PRDM16: variants seen among roughly 807,000 people sequenced by gnomAD.
PRDM16 encodes the protein PR/SET domain 16.
Under a neutral mutation model 110.6 loss-of-function variants are expected in PRDM16, and 23 were observed. That is an observed-to-expected ratio of 0.21 (90% confidence interval 0.15 to 0.29). The LOEUF (loss-of-function observed/expected upper bound fraction) is 0.29. Among genes scored for constraint, PRDM16 ranks in the 10% least tolerant of loss-of-function variants. The probability of loss-of-function intolerance (pLI) is 1.00; values close to 1 mark genes in which losing one functional copy is unlikely to be tolerated. For missense variants in PRDM16, 1,615 were observed against 1,794.3 expected, an observed-to-expected ratio of 0.90 and a Z score of 1.81; for synonymous variants, 799 against 781.8, an observed-to-expected ratio of 1.02 and a Z score of -0.37.
At chr1:3,073,965 A>G (rs1164869995) in intron 1 of PRDM16, among the ~76,000 whole-genome samples, 1 of 152,090 alleles carries the variant, frequency 6.6e-6, no homozygotes, top group Non-Finnish European at 1.5e-5. Context: ...GTTCCCTGCG[A>G]CATCCCGACC....
In PRDM16 at chr1:3,245,525, C is replaced by T. The variant is rs1024247574; in HGVS notation, c.438+1388C>T. ...TCCGGAAACTGGGTGAACTGGTTCC[C>T]GTGTCCCTCCCCGTCGCTGGTGTGG... On this transcript the variant is annotated intron_variant, in intron 3 of 16. Coordinates refer to ENST00000270722, the MANE Select transcript of PRDM16 (RefSeq NM_022114.4). The surrounding 1 kb of genome is among the most constrained non-coding windows in gnomAD (Gnocchi z 4.7). Among the ~76,000 whole-genome samples the T allele has an allele frequency of 1.3e-5, 2 of 152,190 alleles. No homozygotes were observed. The highest frequency in any genetic ancestry group is 4.8e-5 in the African/African-American group (2 of 41,442).
At chr1:3,299,047 G>A (rs1485053244) in intron 3 of PRDM16, among the ~76,000 whole-genome samples, 2 of 152,206 alleles carry the variant, frequency 1.3e-5, no homozygotes, top group Non-Finnish European at 2.9e-5. Flanking sequence ...CCACCAAAAC[G>A]CACACAGCAT....
At chr1:3,076,302 G>T (rs1321775755) in intron 1 of PRDM16, among the ~76,000 whole-genome samples, 2 of 152,228 alleles carry the variant, frequency 1.3e-5, no homozygotes, top group Admixed American at 6.5e-5. Flanking sequence ...TGAAGGGAGG[G>T]TGTGGGATAC....
chr1:3,179,658 C>T (rs1327876039), intron 1 of PRDM16, among the ~76,000 whole-genome samples: 3 of 152,248 alleles, frequency 2.0e-5, no homozygotes, highest in South Asian at 4.1e-4. Context: ...CGCATGGCAC[C>T]GTGGTGCAGA....
chr1:3,411,092 GCA>G (rs1213637813), intron 8 of PRDM16, among the ~76,000 whole-genome samples: 3 of 152,146 alleles, frequency 2.0e-5, no homozygotes, highest in Non-Finnish European at 2.9e-5. Context: ...GCACACGTGT[GCA>G]CACTCAGACA....
At position 3,339,544 on chromosome 1, in the gene PRDM16, C is replaced by T. The variant is rs1999527; in HGVS notation, c.439-45608C>T. On this transcript the variant is annotated intron_variant, in intron 3 of 16. Coordinates refer to ENST00000270722, the MANE Select transcript of PRDM16 (RefSeq NM_022114.4). This position sits in a 1 kb window ranked among gnomAD's most constrained non-coding sequence, Gnocchi z 5.0. ...CAACAAAGCTTTGTTGCCCACCGAG[C>T]GATTCAGGCAGTGAGGTGGGAAGGA... Among the ~76,000 whole-genome samples, 4 of 151,604 alleles carry T rather than the reference C, an allele frequency of 2.6e-5. No homozygotes were observed. In the East Asian group the frequency reaches 5.9e-4, roughly 23 times the overall value.
At chr1:3,114,060 G>C (rs2981867) in intron 1 of PRDM16, among the ~76,000 whole-genome samples, 58,630 of 152,142 alleles carry the variant, frequency 0.39, 11,568 homozygotes, top group South Asian at 0.55. Flanking sequence ...AAGTTGCCAA[G>C]TTTTGAAGTG....
At chr1:3,360,218 A>T (rs966259276) in intron 3 of PRDM16, among the ~76,000 whole-genome samples, 1 of 152,192 alleles carries the variant, frequency 6.6e-6, no homozygotes, top group Non-Finnish European at 1.5e-5. Context: ...AATGCAGCTG[A>T]GGGCGCTTGC....
At chr1:3,284,982 A>C (rs1196068501) in intron 3 of PRDM16, among the ~76,000 whole-genome samples, 1 of 152,074 alleles carries the variant, frequency 6.6e-6, no homozygotes, top group Non-Finnish European at 1.5e-5. Context: ...GGGCTTTCGG[A>C]GGCGAATGTT....
chr1:3,184,038 G>A (rs1644240611), intron 1 of PRDM16, among the ~76,000 whole-genome samples: 1 of 152,202 alleles, frequency 6.6e-6, no homozygotes, highest in Admixed American at 6.5e-5. Context: ...GGTCAGCGGG[G>A]CGGGGGTTAT....
intron 5 of PRDM16, among the ~76,000 whole-genome samples, chr1:3,397,777 G>T (rs1270861635): frequency 3.3e-5 from 5 of 152,196 alleles, no homozygotes; most frequent in African/African-American, 4.8e-5. Flanking sequence ...GTTTCTCCAA[G>T]GAACCACTCT....
chr1:3,295,731 G>A (rs568625785), intron 3 of PRDM16, among the ~76,000 whole-genome samples: 22 of 152,310 alleles, frequency 1.4e-4, no homozygotes, highest in Admixed American at 9.1e-4. Flanking sequence ...GTTTCTGGGC[G>A]ATGGGCTCTT....
rs780929251 is a variant in PRDM16 at position 3,209,082 on chromosome 1, G to GCCCTGTTA, written c.387+22608_387+22609insCCCTGTTA. Among the ~76,000 whole-genome samples, 3 of 152,328 alleles carry GCCCTGTTA rather than the reference G, an allele frequency of 2.0e-5. No homozygotes were observed. The highest frequency in any genetic ancestry group is 6.5e-5 in the Admixed American group (1 of 15,310). On this transcript the variant is annotated intron_variant, in intron 2 of 16. Coordinates refer to ENST00000270722, the MANE Select transcript of PRDM16 (RefSeq NM_022114.4). This position sits in a 1 kb window ranked among gnomAD's most constrained non-coding sequence, Gnocchi z 4.6. ...GTGGGAATTCAGAAGGAGCTCAGAA[G>GCCCTGTTA]GGAATGCCCTGTGCCAACCTAAACC...
intron 3 of PRDM16, among the ~76,000 whole-genome samples, chr1:3,380,586 T>C (rs61759202): frequency 0.11 from 16,040 of 151,838 alleles, 884 homozygotes; most frequent in Middle Eastern, 0.13. Flanking sequence ...CCCGAGAGGG[T>C]CGGGGACAGA....
chr1:3,195,959 C>A (rs1412294144), intron 2 of PRDM16, among the ~76,000 whole-genome samples: 1 of 152,224 alleles, frequency 6.6e-6, no homozygotes, highest in East Asian at 1.9e-4. Context: ...CTGGGACCCT[C>A]CCAGCTGTGC....
intron 1 of PRDM16, among the ~76,000 whole-genome samples, chr1:3,128,413 C>T (rs6698974): frequency 0.027 from 4,130 of 152,272 alleles, 74 homozygotes; most frequent in Non-Finnish European, 0.043. Flanking sequence ...TTTCTGATCA[C>T]GACATCCCAT....
intron 3 of PRDM16, among the ~76,000 whole-genome samples, chr1:3,336,173 A>G (rs1177525358): frequency 1.3e-5 from 2 of 152,222 alleles, no homozygotes; most frequent in African/African-American, 4.8e-5. Context: ...ACCTGCCAAG[A>G]TAGCGGGGGA....
chr1:3,091,687 C>T (rs1477586637), intron 1 of PRDM16, among the ~76,000 whole-genome samples: 21 of 152,202 alleles, frequency 1.4e-4, no homozygotes, highest in Admixed American at 1.3e-3. Flanking sequence ...CTGTGCTGTG[C>T]TCCTTCCATG....
rs1159703746 is a variant in PRDM16 at position 3,382,847 on chromosome 1, G to A, written c.439-2305G>A. Among the ~76,000 whole-genome samples the A allele has an allele frequency of 6.6e-6, 1 of 152,250 alleles. No individual in the cohort carries two copies. Among genetic ancestry groups the A allele is most frequent in the Non-Finnish European group, 1.5e-5 (1 of 68,040 alleles). On this transcript the variant is annotated intron_variant, in intron 3 of 16. Coordinates refer to ENST00000270722, the MANE Select transcript of PRDM16 (RefSeq NM_022114.4). The surrounding 1 kb of genome is among the most constrained non-coding windows in gnomAD (Gnocchi z 6.6). ...ACAGGCACTGTGTACAATGTGCTGTGACGTCAGCAGGCCTCTATGGAGAAG... is the reference window on the plus strand; with the variant it reads ...ACAGGCACTGTGTACAATGTGCTGTAACGTCAGCAGGCCTCTATGGAGAAG...
Sources: allele counts gnomAD v4.1 joint callset (sites outside exome capture counted in the v4.1 genomes callset), GRCh38; gene constraint gnomAD v4.1.1; non-coding constraint Gnocchi (gnomAD v3.1); transcripts MANE v1.5; gene names NCBI Gene and HGNC (gene_info 2026-07-23, HGNC 2026-07-21).